The following AUTS2 variants were observed in gnomAD, a reference collection of about 807,000 sequenced individuals.
AUTS2 encodes the protein activator of transcription and developmental regulator AUTS2.
AUTS2 carries 17 observed loss-of-function variants against 112.4 expected under a neutral mutation model. The ratio of observed to expected loss-of-function variants is 0.15; its 90% confidence interval spans 0.10 to 0.23. The LOEUF (loss-of-function observed/expected upper bound fraction) is 0.23, where lower values mean the gene tolerates loss of function less well. Among genes scored for constraint, AUTS2 ranks in the 10% least tolerant of loss-of-function variants. The pLI is 1.00. For synonymous variants in AUTS2, 751 were observed against 702.7 expected (o/e 1.07, Z -1.09); for missense variants, 1,510 against 1,701.6 (o/e 0.89, Z 1.98).
chr7:70,712,594 A>T (rs1810119958), intron 6 of AUTS2, among the ~76,000 whole-genome samples: 1 of 152,158 alleles, frequency 6.6e-6, no homozygotes, highest in African/African-American at 2.4e-5. Flanking sequence ...CAGAATTGGA[A>T]ACTCTGGGGT....
intron 4 of AUTS2, among the ~76,000 whole-genome samples, chr7:70,193,034 C>T (rs1809986016): frequency 6.6e-6 from 1 of 152,204 alleles, no homozygotes; most frequent in African/African-American, 2.4e-5. Context: ...AAGAAAACCA[C>T]ATGGTAAAAA....
chr7:70,690,897 GT>G (rs1321180945), intron 5 of AUTS2, among the ~76,000 whole-genome samples: 1 of 152,200 alleles, frequency 6.6e-6, no homozygotes, highest in Non-Finnish European at 1.5e-5. Context: ...GGAGTTCCAG[GT>G]TATAGTGAGC....
intron 4 of AUTS2, among the ~76,000 whole-genome samples, chr7:70,189,433 T>G (rs1809769478): frequency 6.6e-6 from 1 of 152,192 alleles, no homozygotes; most frequent in Non-Finnish European, 1.5e-5. Flanking sequence ...TAAAAGTAAT[T>G]CCATGACAAC....
chr7:69,941,640 T>C (rs568896599), intron 2 of AUTS2, among the ~76,000 whole-genome samples: 5 of 152,038 alleles, frequency 3.3e-5, no homozygotes, highest in South Asian at 4.2e-4. Context: ...TGATATTTGA[T>C]CAAACTTTTT....
intron 4 of AUTS2, among the ~76,000 whole-genome samples, chr7:70,326,297 C>T (rs1450757526): frequency 6.6e-6 from 1 of 152,192 alleles, no homozygotes; most frequent in Non-Finnish European, 1.5e-5. Context: ...CTGATTGGCC[C>T]TCTCCACTTC....
chr7:70,040,298 A>G (rs530990894), intron 2 of AUTS2, among the ~76,000 whole-genome samples: 2 of 152,336 alleles, frequency 1.3e-5, no homozygotes, highest in South Asian at 4.1e-4. Flanking sequence ...GTCCATGTGT[A>G]GGGACAGGAA....
At chr7:70,577,396 T>C (rs1442543029) in intron 5 of AUTS2, among the ~76,000 whole-genome samples, 1 of 152,226 alleles carries the variant, frequency 6.6e-6, no homozygotes, top group Non-Finnish European at 1.5e-5. Context: ...CCAATAATTT[T>C]AAAAATCCTC....
intron 6 of AUTS2, among the ~76,000 whole-genome samples, chr7:70,709,848 C>G (rs1035142657): frequency 3.3e-5 from 5 of 152,176 alleles, no homozygotes; most frequent in African/African-American, 9.7e-5. Flanking sequence ...TAGCCGATAC[C>G]AGGACTTCAG....
At chr7:70,555,865 T>C (rs1801226297) in intron 5 of AUTS2, among the ~76,000 whole-genome samples, 1 of 150,982 alleles carries the variant, frequency 6.6e-6, no homozygotes, top group South Asian at 2.1e-4. Flanking sequence ...AGTGCAGTAG[T>C]GCGATCTCGG....
intron 6 of AUTS2, among the ~76,000 whole-genome samples, chr7:70,705,418 A>G (rs898018442): frequency 6.6e-6 from 1 of 152,216 alleles, no homozygotes; most frequent in Non-Finnish European, 1.5e-5. Flanking sequence ...AACGAGTGCA[A>G]CAGTGATTTT....
At chr7:70,660,544 G>A (rs1182776429) in intron 5 of AUTS2, among the ~76,000 whole-genome samples, 1 of 152,186 alleles carries the variant, frequency 6.6e-6, no homozygotes, top group Non-Finnish European at 1.5e-5. Flanking sequence ...GCACAATGGG[G>A]CAGAATATGA....
intron 5 of AUTS2, among the ~76,000 whole-genome samples, chr7:70,467,489 G>A (rs538194801): frequency 9.9e-5 from 15 of 152,248 alleles, no homozygotes; most frequent in African/African-American, 3.6e-4. Context: ...GGATCAACTG[G>A]GAGAGAAACA....
At chr7:70,189,530 G>T (rs1250940170) in intron 4 of AUTS2, among the ~76,000 whole-genome samples, 1 of 152,168 alleles carries the variant, frequency 6.6e-6, no homozygotes, top group Non-Finnish European at 1.5e-5. Flanking sequence ...GTAAAGCTTG[G>T]TGCTAGATTA....
At chr7:70,768,877 C>CTTTTTTTTTTTTTTTTTT (rs66614263) in intron 10 of AUTS2, among the ~76,000 whole-genome samples, 2 of 108,218 alleles carry the variant, frequency 1.8e-5, no homozygotes, top group Non-Finnish European at 3.7e-5. Context: ...CCAGTGATTT[C>CTTTTTTTTTTTTTTTTTT]TTTTTTTTTT....
At chr7:69,898,012 A>T (rs2129540308) in intron 1 of AUTS2, among the ~76,000 whole-genome samples, 1 of 152,332 alleles carries the variant, frequency 6.6e-6, no homozygotes, top group East Asian at 1.9e-4. Context: ...ATGTACATTT[A>T]GATAGTAAAA....
intron 1 of AUTS2, among the ~76,000 whole-genome samples, chr7:69,615,791 G>A (rs1793341895): frequency 1.3e-5 from 2 of 152,182 alleles, no homozygotes; most frequent in Admixed American, 1.3e-4. Flanking sequence ...GCATATAATT[G>A]CCTTTCCAAT....
intron 1 of AUTS2, among the ~76,000 whole-genome samples, chr7:69,813,265 C>T (rs1324738453): frequency 6.6e-6 from 1 of 152,218 alleles, no homozygotes; most frequent in Non-Finnish European, 1.5e-5. Context: ...CTCTCACTTC[C>T]TTCAGGCCCC....
intron 1 of AUTS2, among the ~76,000 whole-genome samples, chr7:69,614,609 C>G (rs1386013017): frequency 2.0e-5 from 3 of 151,986 alleles, no homozygotes; most frequent in Admixed American, 6.6e-5. Flanking sequence ...CTCAGCCTCC[C>G]AGGTAGCTGG....
chr7:70,771,398 G>A (rs1790328430), intron 10 of AUTS2, 151 bp from the exon 11 acceptor site: 2 of 554,574 alleles, frequency 3.6e-6, no homozygotes, highest in Non-Finnish European at 6.3e-6. Flanking sequence ...GCACGTCTGT[G>A]TGATCATTCC....
Sources: allele counts gnomAD v4.1 joint callset (sites outside exome capture counted in the v4.1 genomes callset), GRCh38; gene constraint gnomAD v4.1.1; transcripts MANE v1.5; gene names NCBI Gene and HGNC (gene_info 2026-07-23, HGNC 2026-07-21).